FRMD4A: variants seen among roughly 807,000 people sequenced by gnomAD.
The protein encoded by FRMD4A is FERM domain-containing protein 4A.
Under a neutral mutation model 129.1 loss-of-function variants are expected in FRMD4A, and 29 were observed. That is an observed-to-expected ratio of 0.22 (90% CI 0.17 to 0.31). The LOEUF (loss-of-function observed/expected upper bound fraction) is 0.31, where lower values mean the gene tolerates loss of function less well. Ranked by LOEUF, FRMD4A falls within the 10% of genes least tolerant of loss-of-function variation. The probability of loss-of-function intolerance (pLI) is 1.00; values close to 1 mark genes in which losing one functional copy is unlikely to be tolerated. For missense variants in FRMD4A, 1,272 were observed against 1,375.8 expected, an observed-to-expected ratio of 0.92 and a Z score of 1.19; for synonymous variants, 634 against 571.6, an observed-to-expected ratio of 1.11 and a Z score of -1.56.
chr10:14,307,537 T>A (rs999402277), intron 2 of FRMD4A, among the ~76,000 whole-genome samples: 3 of 152,196 alleles, frequency 2.0e-5, no homozygotes, highest in African/African-American at 7.2e-5. Context: ...AAGCCCAAAC[T>A]CTGTCCCTTT....
intron 2 of FRMD4A, among the ~76,000 whole-genome samples, chr10:13,876,938 TA>T (rs2094494557): frequency 6.6e-6 from 1 of 152,136 alleles, no homozygotes; most frequent in African/African-American, 2.4e-5. Context: ...TCTGTAGAAA[TA>T]TGCCCCAAAA....
chr10:13,745,478 G>A (rs2091243043), intron 9 of FRMD4A, among the ~76,000 whole-genome samples: 1 of 152,180 alleles, frequency 6.6e-6, no homozygotes, highest in Non-Finnish European at 1.5e-5. Flanking sequence ...GAAAGCGCTG[G>A]CCTGGTCGTG....
intron 24 of FRMD4A, chr10:13,647,687 G>A (rs1014591674): frequency 2.0e-5 from 3 of 149,280 alleles, no homozygotes; most frequent in African/African-American, 7.5e-5. Flanking sequence ...GATTATAAAA[G>A]TGTGTTCATT....
chr10:14,181,361 G>A (rs1189055114), intron 2 of FRMD4A, among the ~76,000 whole-genome samples: 3 of 152,094 alleles, frequency 2.0e-5, no homozygotes, highest in Non-Finnish European at 4.4e-5. Flanking sequence ...GACAGCTGCT[G>A]CAGCCCCAGA....
chr10:13,919,251 A>T (rs1323758201), intron 2 of FRMD4A, among the ~76,000 whole-genome samples: 1 of 152,236 alleles, frequency 6.6e-6, no homozygotes, highest in Non-Finnish European at 1.5e-5. Context: ...GTTGTCCGTG[A>T]CTTTGTTTAT....
At chr10:13,668,914 G>A (rs1278384392) in intron 17 of FRMD4A, among the ~76,000 whole-genome samples, 1 of 152,076 alleles carries the variant, frequency 6.6e-6, no homozygotes, top group East Asian at 1.9e-4. Context: ...TCCCCTACAA[G>A]CAACTGTTTG....
rs557314195 is a variant in FRMD4A, at chr10:13,959,641, C to T, written c.46-100729G>A. On this transcript the variant is annotated intron_variant, in intron 2 of 24. Transcript: ENST00000357447. ...GAGCTCGTTGTTTCATGGGTTTACC[C>T]GCTTCATGAGCTTGGGAGGCAAACC... is the stretch of plus-strand genomic sequence containing the variant. Among the ~76,000 whole-genome samples the T allele has an allele frequency of 3.2e-4, 48 of 152,088 alleles. 1 individual carries two copies. The South Asian group carries it at 5.8e-3, about 18-fold the overall frequency.
chr10:13,660,360 T>C lies in FRMD4A; in HGVS notation c.1854A>G (p.Glu618=), dbSNP rs2082542361. 8 of 1,614,026 alleles carry C rather than the reference T, an allele frequency of 5.0e-6. No homozygotes were observed. The highest frequency in any genetic ancestry group is 6.8e-6 in the Non-Finnish European group (8 of 1,179,940). ...PKMWSESSLD[E]PYEKVKKRSS... ...AGCGCTTCTTGACCTTCTCATAGGG[T>C]TCATCTAAAGAGGACTCACTCCACA... is the stretch of plus-strand genomic sequence containing the variant. The change falls in exon 20 of 25, where the codon GAA becomes GAG. Residue 618 remains glutamate (E), a synonymous_variant. Transcript: ENST00000357447.
intron 2 of FRMD4A, among the ~76,000 whole-genome samples, chr10:14,018,320 G>A (rs1399031085): frequency 6.6e-6 from 1 of 151,680 alleles, no homozygotes; most frequent in African/African-American, 2.4e-5. Flanking sequence ...GCCGGGCATG[G>A]TGGCAGGCGT....
chr10:13,785,048 T>C (rs1277239828), intron 5 of FRMD4A, among the ~76,000 whole-genome samples: 2 of 151,550 alleles, frequency 1.3e-5, no homozygotes, highest in Non-Finnish European at 2.9e-5. Flanking sequence ...AATGCTACTG[T>C]TGCATAAACA....
intron 2 of FRMD4A, chr10:13,890,458 T>C: frequency 1.1e-6 from 1 of 896,116 alleles, no homozygotes; most frequent in Non-Finnish European, 1.3e-6. Flanking sequence ...TCAGTGATGC[T>C]GTTGGAAAAG....
chr10:13,864,078 C>A (rs1387368645), intron 2 of FRMD4A, among the ~76,000 whole-genome samples: 1 of 152,028 alleles, frequency 6.6e-6, no homozygotes, highest in East Asian at 1.9e-4. Context: ...TCACTGCAAC[C>A]TCCACCTCCC....
At chr10:13,657,999 T>C (rs2082319217) in intron 21 of FRMD4A, among the ~76,000 whole-genome samples, 1 of 150,718 alleles carries the variant, frequency 6.6e-6, no homozygotes, top group East Asian at 1.9e-4. Flanking sequence ...GAAAATTAGC[T>C]GGGTGTAGTG....
chr10:14,060,594 T>C (rs1834762010), intron 2 of FRMD4A, among the ~76,000 whole-genome samples: 2 of 152,172 alleles, frequency 1.3e-5, no homozygotes, highest in Admixed American at 6.5e-5. Flanking sequence ...TGCTTCTACT[T>C]TGAACCTCAA....
chr10:13,811,712 T>G lies in FRMD4A; in HGVS notation c.112-804A>C, dbSNP rs1398128377. ...GAAGTGACCACAGAACACCAGGCAC[T>G]GAAGTGGGGGAGGGAGGAAAGGCTG... On this transcript the variant is annotated intron_variant, in intron 3 of 24. Transcript: ENST00000357447. Among the ~76,000 whole-genome samples, 9 of 152,138 alleles carry G rather than the reference T, an allele frequency of 5.9e-5. 1 individual carries two copies. The South Asian group carries it at 1.7e-3, about 28-fold the overall frequency.
At chr10:14,310,628 A>G (rs1176695080) in intron 2 of FRMD4A, among the ~76,000 whole-genome samples, 5 of 152,184 alleles carry the variant, frequency 3.3e-5, no homozygotes, top group Non-Finnish European at 5.9e-5. Context: ...CCGGCCAGGT[A>G]GCAAAAGCAT....
intron 2 of FRMD4A, among the ~76,000 whole-genome samples, chr10:14,015,006 TCCTC>T (rs1284200102): frequency 7.8e-6 from 1 of 127,930 alleles, no homozygotes; most frequent in South Asian, 3.0e-4. Flanking sequence ...TCTCCTTCCT[TCCTC>T]CCTCCCTCCC....
chr10:13,764,159 C>T (rs1040921396), intron 6 of FRMD4A, among the ~76,000 whole-genome samples: 3 of 150,768 alleles, frequency 2.0e-5, no homozygotes, highest in Non-Finnish European at 4.4e-5. Flanking sequence ...AGGTAATAAA[C>T]ATATCGATCA....
chr10:13,654,863 C>A, intron 22 of FRMD4A: 1 of 311,376 alleles, frequency 3.2e-6, no homozygotes, highest in South Asian at 7.0e-5. Flanking sequence ...TCTGATGTCC[C>A]CATAGTCCTT....
Sources: gnomAD v4.1 joint callset for allele counts (sites outside exome capture counted in the v4.1 genomes callset) on GRCh38, gnomAD v4.1.1 for gene constraint, MANE v1.5 for transcripts, NCBI Gene and HGNC (gene_info 2026-07-23, HGNC 2026-07-21) for gene names.